The following CUL2 variants were observed in gnomAD, a reference collection of about 807,000 sequenced individuals.
The protein encoded by CUL2 is cullin 2, also known as cullin-2.
CUL2 carries 22 observed loss-of-function variants against 110.2 expected under a neutral mutation model. That is an observed-to-expected ratio of 0.20 (90% CI 0.14 to 0.28). The LOEUF is 0.28. Among genes scored for constraint, CUL2 ranks in the 10% least tolerant of loss-of-function variants. CUL2 has a pLI of 1.00. For missense variants in CUL2, 631 were observed against 905.5 expected (o/e 0.70, Z 3.89); for synonymous variants, 279 against 293.2 (o/e 0.95, Z 0.49).
chr10:35,031,291 T>C lies in CUL2; in HGVS notation c.1386+9A>G, dbSNP rs367934644. The C allele has an allele frequency of 4.6e-5, 71 of 1,538,940 alleles. No homozygotes were observed. Among genetic ancestry groups the C allele is most frequent in the Non-Finnish European group, 6.3e-5 (71 of 1,129,542 alleles). ...TCTAGGACAATACCACATTAAAGAC[T>C]TACATTACCTTTAATTTGTTGATCA... On this transcript the variant is annotated intron_variant, in intron 14 of 20. Transcript: ENST00000374749. This position sits in a 1 kb window ranked among gnomAD's most constrained non-coding sequence, Gnocchi z 4.4.
chr10:35,104,740 TC>T (rs1377915323), intron 1 of CUL2, among the ~76,000 whole-genome samples: 6 of 151,842 alleles, frequency 4.0e-5, no homozygotes, highest in South Asian at 2.1e-4. Flanking sequence ...CAAAGACTTT[TC>T]TGGGGGGGGG....
chr10:35,052,168 T>C (rs536612767), intron 5 of CUL2, among the ~76,000 whole-genome samples: 336 of 152,330 alleles, frequency 2.2e-3, no homozygotes, highest in Non-Finnish European at 3.6e-3. Context: ...AGCCTCCCTA[T>C]TGTTTCCCTA....
intron 1 of CUL2, chr10:35,101,067 G>C (rs189105689): frequency 6.6e-6 from 1 of 152,320 alleles, no homozygotes; most frequent in East Asian, 1.9e-4. Context: ...TATCCTAGGA[G>C]TGAGAAAAGG....
intron 8 of CUL2, among the ~76,000 whole-genome samples, chr10:35,041,687 C>A (rs2085793250): frequency 6.6e-6 from 1 of 152,144 alleles, no homozygotes; most frequent in South Asian, 2.1e-4. Context: ...GACGACTACA[C>A]CACCATGTGT....
At chr10:35,126,670 A>G (rs924821530), upstream of CUL2, 2 of 152,606 alleles carry the variant, frequency 1.3e-5, no homozygotes, top group African/African-American at 4.8e-5. Flanking sequence ...TTTCTGGCGC[A>G]CGCGCGGCGC....
At chr10:35,011,766 C>T in intron 20 of CUL2, 82 bp downstream of exon 20, 1 of 695,692 alleles carries the variant, frequency 1.4e-6, no homozygotes, top group Non-Finnish European at 2.5e-6. Flanking sequence ...TTTCTGTATC[C>T]TCTTTAAGAA....
intron 1 of CUL2, among the ~76,000 whole-genome samples, chr10:35,074,950 G>A (rs1049816901): frequency 3.9e-5 from 6 of 152,112 alleles, no homozygotes; most frequent in African/African-American, 1.2e-4. Context: ...CTGTAACTGC[G>A]TACCAAAAAG....
chr10:35,101,095 G>C (rs376459163), intron 1 of CUL2: 1 of 152,262 alleles, frequency 6.6e-6, no homozygotes, highest in South Asian at 2.1e-4. Context: ...AATTAGAGGA[G>C]AGGTCTTCTG....
At chr10:35,051,264 G>T (rs1327086045) in intron 5 of CUL2, among the ~76,000 whole-genome samples, 1 of 150,976 alleles carries the variant, frequency 6.6e-6, no homozygotes, top group African/African-American at 2.4e-5. Context: ...GCAGTGAGCC[G>T]AGATCGCGCC....
intron 6 of CUL2, among the ~76,000 whole-genome samples, chr10:35,048,070 GAC>G (rs1230146525): frequency 5.9e-5 from 9 of 152,294 alleles, no homozygotes; most frequent in African/African-American, 1.9e-4. Context: ...GTAAAATGGT[GAC>G]ACTAATAGTA....
intron 16 of CUL2, among the ~76,000 whole-genome samples, chr10:35,026,805 T>C (rs868036827): frequency 2.6e-5 from 4 of 152,286 alleles, no homozygotes; most frequent in Admixed American, 1.3e-4. Context: ...GTAAAAAATA[T>C]ATGTTGACTA....
intron 8 of CUL2, among the ~76,000 whole-genome samples, chr10:35,044,051 C>CA (rs534515519): frequency 0.063 from 5,394 of 86,276 alleles, 68 homozygotes; most frequent in African/African-American, 0.076. Context: ...ACCACATCTC[C>CA]AAAAAAAAAA....
intron 2 of CUL2, among the ~76,000 whole-genome samples, chr10:35,065,304 G>A (rs933395016): frequency 7.6e-4 from 115 of 152,278 alleles, no homozygotes; most frequent in African/African-American, 2.7e-3. Flanking sequence ...ACTTTGGGAA[G>A]CCAAGGCGGG....
At position 35,009,853 on chromosome 10, in the gene CUL2, G is replaced by A. The variant is rs2084855638; in HGVS notation, c.*458C>T. 6.6e-6 allele frequency: 1 copy of A among 152,342 alleles called. No individual in the cohort carries two copies. The highest frequency in any genetic ancestry group is 1.5e-5 in the Non-Finnish European group (1 of 67,980). The allele number at this position is 152,342 out of a possible 1,614,324, so 9.4% of individuals were successfully genotyped here. ...CCTGATACTCCATCCACATAAAAAA[G>A]GCATTCTATTTCTTTATTTTTTTTT... On this transcript the variant is annotated 3_prime_UTR_variant, in exon 21 of 21. Transcript: ENST00000374749.
intron 8 of CUL2, among the ~76,000 whole-genome samples, chr10:35,039,853 T>A (rs553364912): frequency 1.9e-4 from 28 of 147,528 alleles, no homozygotes; most frequent in Non-Finnish European, 3.6e-4. Flanking sequence ...AGACACTGTC[T>A]CAAAAAAATA....
At position 35,119,244 on chromosome 10, in the gene CUL2, C is replaced by T. The variant is rs369892235; in HGVS notation, c.-51+7361G>A. On this transcript the variant is annotated intron_variant, in intron 1 of 5. Coordinates refer to the CUL2 transcript ENST00000685421. ...ATTCTCAATCTTGGAGGAGGTAAGG[C>T]TCAGTTTCAGCTTCAAAGTACCTGT... 2.3e-4 allele frequency among the ~76,000 whole-genome samples: 35 copies of T among 152,312 alleles called. 1 individual carries two copies. The highest frequency in any genetic ancestry group is 7.2e-4 in the Admixed American group (11 of 15,302).
chr10:35,028,981 T>A (rs1273204037), intron 15 of CUL2, 94 bp from the exon 16 acceptor site: 3 of 752,556 alleles, frequency 4.0e-6, no homozygotes, highest in Non-Finnish European at 4.3e-6. Flanking sequence ...TCTAAAACAT[T>A]TTTTTCTTCC....
chr10:35,104,212 C>T (rs188402777), intron 1 of CUL2, among the ~76,000 whole-genome samples: 297 of 152,242 alleles, frequency 2.0e-3, no homozygotes, highest in Middle Eastern at 6.8e-3. Context: ...TTACGGATGC[C>T]GAGGAAGGTG....
At chr10:35,107,120 G>A (rs908645584) in intron 1 of CUL2, among the ~76,000 whole-genome samples, 1 of 151,920 alleles carries the variant, frequency 6.6e-6, no homozygotes, top group South Asian at 2.1e-4. Context: ...GACTACATGC[G>A]CCCACCACCG....
Sources: gnomAD v4.1 joint callset for allele counts (sites outside exome capture counted in the v4.1 genomes callset) on GRCh38, gnomAD v4.1.1 for gene constraint, Gnocchi (gnomAD v3.1) non-coding constraint, MANE v1.5 for transcripts, NCBI Gene and HGNC (gene_info 2026-07-23, HGNC 2026-07-21) for gene names.